Variants in MLLT10 observed in about 807,000 individuals in gnomAD.
MLLT10 encodes the protein MLLT10 histone lysine methyltransferase DOT1L cofactor.
A neutral mutation model predicts 129.1 loss-of-function variants in MLLT10; 30 were observed. The ratio of observed to expected loss-of-function variants is 0.23; its 90% confidence interval spans 0.17 to 0.32. The LOEUF (loss-of-function observed/expected upper bound fraction) is 0.32, where lower values mean the gene tolerates loss of function less well. Ranked by LOEUF, MLLT10 falls within the 10% of genes least tolerant of loss-of-function variation. The pLI is 1.00. For synonymous variants in MLLT10, 490 were observed against 446.4 expected (o/e 1.10, Z -1.23); for missense variants, 1,119 against 1,268.3 (o/e 0.88, Z 1.79).
In MLLT10 at chr10:21,673,922, A is replaced by AG. The variant is rs765632265; in HGVS notation, c.1621+7dup. ...TGGCTCATCTCCAGTTGGTTCAGGT[A>AG]GGGGTTTGCCTATTATTATTTTTCT... On this transcript the variant is annotated splice_donor_region_variant and intron_variant, in intron 11 of 22. Coordinates refer to ENST00000307729, the MANE Select transcript of MLLT10 (RefSeq NM_001195626.3). The AG allele has an allele frequency of 1.3e-6, 2 of 1,572,020 alleles. No homozygotes were observed. The highest frequency in any genetic ancestry group is 2.2e-5 in the East Asian group (1 of 44,450).
intron 7 of MLLT10, among the ~76,000 whole-genome samples, chr10:21,616,314 G>A (rs1490934906): frequency 6.6e-6 from 1 of 151,996 alleles, no homozygotes; most frequent in Non-Finnish European, 1.5e-5. Flanking sequence ...TAGACATGAT[G>A]TTATCCCATT....
chr10:21,676,058 TGTAA>T (rs2052061049), intron 11 of MLLT10, among the ~76,000 whole-genome samples: 1 of 152,110 alleles, frequency 6.6e-6, no homozygotes, highest in Non-Finnish European at 1.5e-5. Flanking sequence ...GGGAAATTCT[TGTAA>T]GTATTAGTTC....
At chr10:21,591,427 T>C (rs1206456718) in intron 4 of MLLT10, among the ~76,000 whole-genome samples, 1 of 152,236 alleles carries the variant, frequency 6.6e-6, no homozygotes, top group Non-Finnish European at 1.5e-5. Context: ...TAGTCTATCT[T>C]GGACAGAAGT....
At position 21,534,758 on chromosome 10, in the gene MLLT10, G is replaced by T. The variant is rs1311683323; in HGVS notation, c.114G>T (p.Pro38=). The T allele has an allele frequency of 1.9e-6, 3 of 1,612,812 alleles. No homozygotes were observed. The highest frequency in any genetic ancestry group is 2.5e-6 in the Non-Finnish European group (3 of 1,179,276). The stretch of plus-strand genomic sequence containing the variant: ...ACGAGAGAGGCTGGGCCGAGAACCC[G>T]CTGGTTTATTGCGACGGGCACGGCT... ...CSDERGWAEN[P]LVYCDGHGCS... Residue 38 remains proline (P), a synonymous_variant, in exon 2 of 23, where the codon CCG becomes CCT. Coordinates refer to ENST00000307729, the MANE Select transcript of MLLT10 (RefSeq NM_001195626.3).
At chr10:21,643,123 C>T (rs1298737536) in intron 8 of MLLT10, among the ~76,000 whole-genome samples, 3 of 152,178 alleles carry the variant, frequency 2.0e-5, no homozygotes, top group African/African-American at 7.2e-5. Flanking sequence ...ACCTCTGCCT[C>T]TCCAGTTCAA....
At chr10:21,631,403 A>G (rs928978041) in intron 8 of MLLT10, among the ~76,000 whole-genome samples, 3 of 151,594 alleles carry the variant, frequency 2.0e-5, no homozygotes, top group African/African-American at 7.3e-5. Context: ...GGAATTTAAG[A>G]TGAACTATGT....
chr10:21,580,479 C>A (rs2041287791), intron 3 of MLLT10, among the ~76,000 whole-genome samples: 1 of 150,838 alleles, frequency 6.6e-6, no homozygotes, highest in Non-Finnish European at 1.5e-5. Context: ...ACCTCTGTCT[C>A]CTGGATTCAC....
In MLLT10 at chr10:21,682,217, C is replaced by T. The variant is rs1323559416; in HGVS notation, c.1667-8C>T. 6.2e-7 allele frequency: 1 copy of T among 1,607,506 alleles called. No individual in the cohort carries two copies. Among genetic ancestry groups the T allele is most frequent in the Non-Finnish European group, 8.5e-7 (1 of 1,177,492 alleles). ...TTAACCTGAAGTCCTTTTTTCCTTA[C>T]TTAAAAGCGTTCTCAGAGTTGCTGA... On this transcript the variant is annotated splice_polypyrimidine_tract_variant and splice_region_variant and intron_variant, in intron 12 of 22. Coordinates refer to ENST00000307729, the MANE Select transcript of MLLT10 (RefSeq NM_001195626.3).
At chr10:21,705,957 C>T (rs1341972521) in intron 13 of MLLT10, among the ~76,000 whole-genome samples, 1 of 152,188 alleles carries the variant, frequency 6.6e-6, no homozygotes, top group Non-Finnish European at 1.5e-5. Context: ...GGAATGTTGA[C>T]AGCTGAGGGT....
At chr10:21,545,497 A>C (rs2035921891) in intron 3 of MLLT10, among the ~76,000 whole-genome samples, 1 of 152,210 alleles carries the variant, frequency 6.6e-6, no homozygotes, top group Admixed American at 6.6e-5. Context: ...CATGGAAGAT[A>C]GAGGATTTGA....
intron 3 of MLLT10, among the ~76,000 whole-genome samples, chr10:21,563,807 T>TATTATC (rs2039172937): frequency 6.7e-6 from 1 of 149,274 alleles, no homozygotes; most frequent in African/African-American, 2.5e-5. Context: ...TTATTATTAT[T>TATTATC]ATTATTATTA....
At chr10:21,620,458 C>T (rs1016917057) in intron 8 of MLLT10, among the ~76,000 whole-genome samples, 8 of 152,084 alleles carry the variant, frequency 5.3e-5, no homozygotes, top group African/African-American at 2.4e-5. Context: ...TCAGGATAAA[C>T]TTTTCGTAAG....
At chr10:21,565,711 T>C (rs1217367890) in intron 3 of MLLT10, among the ~76,000 whole-genome samples, 4 of 151,586 alleles carry the variant, frequency 2.6e-5, no homozygotes, top group African/African-American at 9.7e-5. Flanking sequence ...GCTCAAACTG[T>C]TCCCCCATCT....
Position 21,742,112 on chromosome 10 carries a change from G to T in MLLT10, c.*129G>T, listed in dbSNP as rs985233977. ...CTCAATGCACAACAAAGGATTAATT[G>T]CTGCAAGGACATTCTTGTAAGGCTT... On this transcript the variant is annotated 3_prime_UTR_variant, in exon 23 of 23. Coordinates refer to ENST00000307729, the MANE Select transcript of MLLT10 (RefSeq NM_001195626.3). 1.8e-4 allele frequency: 143 copies of T among 778,226 alleles called. No individual in the cohort carries two copies. In the African/African-American group the frequency reaches 2.2e-3, roughly 12 times the overall value. 48.2% of individuals were successfully genotyped at this position (778,226 alleles called of 1,614,324 possible). A position where few individuals can be genotyped will look rare whatever the true frequency, so the allele number is the denominator to read the frequency against.
At chr10:21,627,168 A>G (rs2046533410) in intron 8 of MLLT10, among the ~76,000 whole-genome samples, 1 of 152,158 alleles carries the variant, frequency 6.6e-6, no homozygotes, top group Non-Finnish European at 1.5e-5. Flanking sequence ...TAATGTTACC[A>G]TGTCCTTCGC....
chr10:21,676,356 C>T (rs1445778858), intron 11 of MLLT10, among the ~76,000 whole-genome samples: 4 of 149,896 alleles, frequency 2.7e-5, no homozygotes, highest in South Asian at 2.1e-4. Flanking sequence ...AGGCAGAGCT[C>T]GCAGTGAGCA....
intron 3 of MLLT10, chr10:21,551,918 C>A: frequency 3.2e-6 from 1 of 310,412 alleles, no homozygotes. Context: ...CCTCAGCCTC[C>A]CAAGTAGGTG....
At chr10:21,628,220 A>G (rs1300360169) in intron 8 of MLLT10, among the ~76,000 whole-genome samples, 1 of 152,160 alleles carries the variant, frequency 6.6e-6, no homozygotes, top group East Asian at 1.9e-4. Context: ...GTAACAGATA[A>G]CCAGGAGTAA....
rs1157369039 is a variant in MLLT10, at chr10:21,534,295, G to C, written c.-226G>C. On this transcript the variant is annotated 5_prime_UTR_variant, in exon 1 of 23. Coordinates refer to ENST00000307729, the MANE Select transcript of MLLT10 (RefSeq NM_001195626.3). ...CCCTTCCCCTCCCTCGCTGCCCCTG[G>C]CCCAGCGGGAGCCCCCCCTCCCCCC... The C allele has an allele frequency of 2.7e-6, 1 of 372,788 alleles. No homozygotes were observed. The highest frequency in any genetic ancestry group is 2.2e-5 in the African/African-American group (1 of 44,516). 23.1% of individuals were successfully genotyped at this position (372,788 alleles called of 1,614,324 possible).
Sources: gnomAD v4.1 joint callset for allele counts (sites outside exome capture counted in the v4.1 genomes callset) on GRCh38, gnomAD v4.1.1 for gene constraint, MANE v1.5 for transcripts, NCBI Gene and HGNC (gene_info 2026-07-23, HGNC 2026-07-21) for gene names.